SPON2: variants seen among roughly 807,000 people sequenced by gnomAD.
SPON2 encodes the protein spondin-2.
A neutral mutation model predicts 29.9 loss-of-function variants in SPON2; 32 were observed. That is an observed-to-expected ratio of 1.07 (90% CI 0.81 to 1.44). SPON2 has a LOEUF of 1.44. Ranked by LOEUF, SPON2 falls within the 40% of genes most tolerant of loss-of-function variation. The pLI is 0.00. For synonymous variants in SPON2, 248 were observed against 209.1 expected (o/e 1.19, Z -1.61); for missense variants, 541 against 455.5 (o/e 1.19, Z -1.71).
intron 1 of SPON2, among the ~76,000 whole-genome samples, chr4:1,183,014 T>C (rs1727726329): frequency 6.6e-6 from 1 of 151,918 alleles, no homozygotes; most frequent in Non-Finnish European, 1.5e-5. Flanking sequence ...CTCACTCCTG[T>C]AATCCCAGCT....
chr4:1,178,322 CT>C (rs1258051331), intron 2 of SPON2, among the ~76,000 whole-genome samples: 1 of 152,222 alleles, frequency 6.6e-6, no homozygotes, highest in Non-Finnish European at 1.5e-5. Context: ...CACATATCTG[CT>C]TTCTAAAGGC....
intron 5 of SPON2, among the ~76,000 whole-genome samples, chr4:1,169,519 G>C (rs1202582187): frequency 6.6e-6 from 1 of 152,152 alleles, no homozygotes; most frequent in African/African-American, 2.4e-5. Context: ...CTTGCTTCCA[G>C]GGACGGCTGA....
rs1261809858 is a variant in SPON2, at chr4:1,170,584, GGAA to G, written c.637-11_637-9del. ...GGGAGAGGAGGACGTTATCTGGGGA[GGAA>G]GAAGAGGAGGTTGGCCTGGGGTCCG... is the stretch of plus-strand genomic sequence containing the variant. On this transcript the variant is annotated splice_polypyrimidine_tract_variant and intron_variant, in intron 4 of 5. Transcript: ENST00000290902. 2.5e-6 allele frequency: 4 copies of G among 1,602,086 alleles called. No individual in the cohort carries two copies. Among genetic ancestry groups the G allele is most frequent in the South Asian group, 2.2e-5 (2 of 90,536 alleles).
chr4:1,167,456 C>T lies in SPON2; in HGVS notation c.*16G>A. The T allele has an allele frequency of 6.2e-7, 1 of 1,606,990 alleles. No homozygotes were observed. Among genetic ancestry groups the T allele is most frequent in the Non-Finnish European group, 8.5e-7 (1 of 1,176,034 alleles). ...CCATGGCTCCGGGGGGCCCCAGGGG[C>T]TGCGGGGCTCTGGTCTTAGACGCAG... On this transcript the variant is annotated 3_prime_UTR_variant, in exon 6 of 6. Coordinates refer to ENST00000290902, the MANE Select transcript of SPON2 (RefSeq NM_012445.4).
intron 1 of SPON2, 46 bp from the exon 2 acceptor site, chr4:1,172,120 A>G (rs1052796768): frequency 6.4e-7 from 1 of 1,563,848 alleles, no homozygotes; most frequent in African/African-American, 1.4e-5. Context: ...CCGTCGTGGC[A>G]GCCTCGGGGT....
In SPON2 at chr4:1,167,207, CTT is replaced by C; in HGVS notation, c.*263_*264del. The stretch of plus-strand genomic sequence containing the variant: ...AGAGTAGCTGGAGCCTTGGGGATGA[CTT>C]TATCCTGCAGGAGGAGGAGGCTGAG... On this transcript the variant is annotated 3_prime_UTR_variant, in exon 6 of 6. Coordinates refer to ENST00000290902, the MANE Select transcript of SPON2 (RefSeq NM_012445.4). 6.4e-6 allele frequency: 3 copies of C among 468,694 alleles called. No individual in the cohort carries two copies. The highest frequency in any genetic ancestry group is 1.1e-5 in the Non-Finnish European group (3 of 262,572). 29.0% of individuals were successfully genotyped at this position (468,694 alleles called of 1,614,324 possible).
In SPON2 at chr4:1,171,839, G is replaced by T. The variant is rs767171681; in HGVS notation, c.220+13C>A. The T allele has an allele frequency of 6.3e-6, 10 of 1,592,956 alleles. No individual in the cohort carries two copies. The highest frequency in any genetic ancestry group is 1.3e-5 in the African/African-American group (1 of 74,728). On this transcript the variant is annotated intron_variant, in intron 2 of 5. Transcript: ENST00000290902. The stretch of plus-strand genomic sequence containing the variant: ...CCTGGTGGAGCAGGAGGCGAGGAGG[G>T]GGCTGTACTTACCCAGCAGCGAAGA...
intron 5 of SPON2, chr4:1,169,721 G>T (rs949479464): frequency 6.6e-6 from 1 of 152,354 alleles, no homozygotes; most frequent in African/African-American, 2.4e-5. Flanking sequence ...GTCCGCTGTT[G>T]TCTGGGGCCT....
At chr4:1,173,675 C>G (rs1316527891), upstream of SPON2, among the ~76,000 whole-genome samples, 2 of 152,326 alleles carry the variant, frequency 1.3e-5, no homozygotes, top group South Asian at 4.1e-4. Flanking sequence ...ACAAAACACT[C>G]TGATGTTTGG....
chr4:1,182,788 G>A (rs2108658714), intron 1 of SPON2, among the ~76,000 whole-genome samples: 1 of 152,002 alleles, frequency 6.6e-6, no homozygotes, highest in Non-Finnish European at 1.5e-5. Context: ...TCAAACTTTT[G>A]GAAGACAGAT....
intron 1 of SPON2, among the ~76,000 whole-genome samples, chr4:1,205,649 G>T (rs1338550559): frequency 2.0e-5 from 3 of 152,238 alleles, no homozygotes; most frequent in Admixed American, 1.3e-4. Flanking sequence ...CCTTGGGAAG[G>T]GTGGGGGCCC....
chr4:1,204,138 C>T (rs1259425489), intron 1 of SPON2, among the ~76,000 whole-genome samples: 3 of 152,240 alleles, frequency 2.0e-5, no homozygotes, highest in African/African-American at 7.2e-5. Flanking sequence ...TCCCAAAGTG[C>T]TGGGATTACA....
chr4:1,181,082 C>T (rs1473825539), intron 1 of SPON2, among the ~76,000 whole-genome samples: 1 of 152,166 alleles, frequency 6.6e-6, no homozygotes, highest in Non-Finnish European at 1.5e-5. Flanking sequence ...CGCACTGACA[C>T]ACATCATTAT....
chr4:1,190,447 A>G (rs1463223083), intron 1 of SPON2, among the ~76,000 whole-genome samples: 1 of 152,222 alleles, frequency 6.6e-6, no homozygotes, highest in Non-Finnish European at 1.5e-5. Context: ...AGAGGCCAGT[A>G]TTACCCTGAT....
intron 1 of SPON2, among the ~76,000 whole-genome samples, chr4:1,191,048 C>T (rs1204722017): frequency 6.6e-6 from 1 of 151,430 alleles, no homozygotes; most frequent in African/African-American, 2.4e-5. Flanking sequence ...AGATTCAATC[C>T]AATCCCCATC....
At position 1,171,897 on chromosome 4, in the gene SPON2, G is replaced by T; in HGVS notation, c.175C>A (p.Gln59Lys). 6.2e-7 allele frequency: 1 copy of T among 1,612,988 alleles called. No homozygotes were observed. Among genetic ancestry groups the T allele is most frequent in the Non-Finnish European group, 8.5e-7 (1 of 1,179,920 alleles). ...GKWSQTAFPK[Q>K]YPLFRPPAQW... is the part of the protein sequence containing the mutation. The stretch of plus-strand genomic sequence containing the variant: ...GCAGGGGGGCGGAACAGGGGGTACT[G>T]CTTGGGGAAGGCCGTCTGGCTCCAC... The change falls in exon 2 of 6, where the codon CAG becomes AAG. Residue 59 changes from glutamine (Q) to lysine (K), a missense_variant. Coordinates refer to ENST00000290902, the MANE Select transcript of SPON2 (RefSeq NM_012445.4).
At chr4:1,171,751 G>C (rs1265788848) in intron 2 of SPON2, 101 bp downstream of exon 2, 7 of 899,722 alleles carry the variant, frequency 7.8e-6, no homozygotes, top group Non-Finnish European at 1.3e-5. Context: ...CCCGACGTCA[G>C]CACGCCCCAG....
intron 1 of SPON2, chr4:1,194,907 C>G (rs2335914): frequency 0.34 from 33,791 of 100,718 alleles, 5,800 homozygotes; most frequent in Non-Finnish European, 0.41. Context: ...CGACTCCAAC[C>G]CCGCAGCCGG....
At chr4:1,173,507 A>G (rs926875426), upstream of SPON2, among the ~76,000 whole-genome samples, 3 of 152,236 alleles carry the variant, frequency 2.0e-5, no homozygotes, top group Non-Finnish European at 4.4e-5. Context: ...TGAAGCTAAC[A>G]GATGCTGAAG....
Sources: gnomAD v4.1 joint callset for allele counts (sites outside exome capture counted in the v4.1 genomes callset) on GRCh38, gnomAD v4.1.1 for gene constraint, MANE v1.5 for transcripts, NCBI Gene and HGNC (gene_info 2026-07-23, HGNC 2026-07-21) for gene names.